The following PRAG1 variants were observed in gnomAD, a reference collection of about 807,000 sequenced individuals.
PRAG1 encodes the protein PEAK1 related, kinase-activating pseudokinase 1.
A neutral mutation model predicts 95.6 loss-of-function variants in PRAG1; 110 were observed. The observed-to-expected ratio is 1.15, with a 90% CI of 0.99 to 1.35. The LOEUF is 1.35. PRAG1 is among the 40% of genes most tolerant of loss of function. The pLI is 0.00. For missense variants in PRAG1, 2,554 were observed against 1,864.7 expected, an observed-to-expected ratio of 1.37 and a Z score of -6.81; for synonymous variants, 1,052 against 819.4, an observed-to-expected ratio of 1.28 and a Z score of -4.85.
At position 8,326,169 on chromosome 8, in the gene PRAG1, A is replaced by G. The variant is rs1193611247; in HGVS notation, c.3072+1541T>C. Among the ~76,000 whole-genome samples the G allele has an allele frequency of 2.7e-5, 4 of 147,382 alleles. No homozygotes were observed. In the East Asian group the frequency reaches 7.8e-4, roughly 29 times the overall value. ...CAGTATATATAAATAATAAATAATT[A>G]TAAATAATATATATTGAATATTAGT... On this transcript the variant is annotated intron_variant, in intron 5 of 5. Coordinates refer to ENST00000615670, the MANE Select transcript of PRAG1 (RefSeq NM_001080826.3).
At position 8,377,572 on chromosome 8, in the gene PRAG1, A is replaced by G. The variant is rs376956220; in HGVS notation, c.837T>C (p.His279=). 2.5e-6 allele frequency: 4 copies of G among 1,610,658 alleles called. No individual in the cohort carries two copies. Among genetic ancestry groups the G allele is most frequent in the Non-Finnish European group, 3.4e-6 (4 of 1,178,714 alleles). Residue 279 remains histidine, a synonymous_variant, in exon 3 of 6, where the codon CAT becomes CAC. Coordinates refer to ENST00000615670, the MANE Select transcript of PRAG1 (RefSeq NM_001080826.3). ...ASQTAGSRGR[H]GGRDCSPTCW... is the part of the protein sequence containing the mutation. The stretch of plus-strand genomic sequence containing the variant: ...ACGTGGGTGAGCAGTCCCTGCCACC[A>G]TGCCTGCCCCGGGAACCTGCAGTCT...
intron 3 of PRAG1, among the ~76,000 whole-genome samples, chr8:8,373,823 T>C (rs1456444946): frequency 6.6e-6 from 1 of 152,226 alleles, no homozygotes; most frequent in African/African-American, 2.4e-5. Flanking sequence ...ACCTCCAAGA[T>C]TCCCATCAAG....
intron 3 of PRAG1, among the ~76,000 whole-genome samples, chr8:8,358,738 C>T (rs1410552455): frequency 6.6e-6 from 1 of 152,246 alleles, no homozygotes; most frequent in African/African-American, 2.4e-5. Context: ...CAAAGAGACA[C>T]AGGAATATTT....
chr8:8,378,097 C>G lies in PRAG1; in HGVS notation c.331-19G>C, dbSNP rs1379437641. On this transcript the variant is annotated intron_variant, in intron 2 of 5. Transcript: ENST00000615670. ...AGATGACCTACACACAAGCCCAACG[C>G]AAAAAGACTTATATTAGAACTTGTC... 2 of 1,511,826 alleles carry G rather than the reference C, an allele frequency of 1.3e-6. No individual in the cohort carries two copies. Among genetic ancestry groups the G allele is most frequent in the Non-Finnish European group, 1.8e-6 (2 of 1,134,472 alleles). 93.7% of individuals were successfully genotyped at this position (1,511,826 alleles called of 1,614,324 possible).
intron 5 of PRAG1, among the ~76,000 whole-genome samples, chr8:8,319,853 C>T (rs995160131): frequency 6.6e-6 from 1 of 152,200 alleles, no homozygotes; most frequent in African/African-American, 2.4e-5. Context: ...TGCTGGACAT[C>T]ATTATTCATC....
rs1295606944 is a variant in PRAG1, at chr8:8,344,635, C to G, written c.2163-5000G>C. ...AAAATCTTAGGGAACACCTGCAGGT[C>G]AGTTAAATTATTATCTGAACTTCAC... On this transcript the variant is annotated intron_variant, in intron 3 of 5. Transcript: ENST00000615670. Among the ~76,000 whole-genome samples, 3 of 152,142 alleles carry G rather than the reference C, an allele frequency of 2.0e-5. No homozygotes were observed. The East Asian group carries it at 5.8e-4, about 29-fold the overall frequency.
chr8:8,331,820 A>C (rs994540529), intron 4 of PRAG1, among the ~76,000 whole-genome samples: 4 of 101,914 alleles, frequency 3.9e-5, no homozygotes, highest in African/African-American at 1.5e-4. Context: ...AGGAGCTGTT[A>C]GTCAGTGACT....
In PRAG1 at chr8:8,318,720, T is replaced by G; in HGVS notation, c.3655A>C (p.Lys1219Gln). 1.2e-6 allele frequency: 2 copies of G among 1,609,034 alleles called. No homozygotes were observed. The highest frequency in any genetic ancestry group is 1.7e-6 in the Non-Finnish European group (2 of 1,178,300). Residue 1219 changes from lysine to glutamine, a missense_variant, in exon 6 of 6, where the codon AAG (lysine) becomes CAG (glutamine). Transcript: ENST00000615670. This position sits in a 1 kb window ranked among gnomAD's most constrained non-coding sequence, Gnocchi z 4.2. ...LPRLIISNFL[K>Q]AKQKPGGTPN... ...GTGCCGCCCGGCTTCTGCTTGGCCT[T>G]CAAAAAGTTGCTGATGATGAGCCGG... is the stretch of plus-strand genomic sequence containing the variant.
At position 8,318,569 on chromosome 8, in the gene PRAG1, T is replaced by A. The variant is rs1798357488; in HGVS notation, c.3806A>T (p.Asn1269Ile). ...ILIYELLHQP[N>I]PFEVRAQLRE... ...CAGCTGGGCGCGCACCTCGAACGGG[T>A]TGGGTTGGTGCAGCAGCTCGTAGAT... is the stretch of plus-strand genomic sequence containing the variant. Residue 1269 changes from asparagine (N) to isoleucine (I), a missense_variant, in exon 6 of 6, where the codon AAC (asparagine) becomes ATC (isoleucine). Coordinates refer to ENST00000615670, the MANE Select transcript of PRAG1 (RefSeq NM_001080826.3). This position sits in a 1 kb window ranked among gnomAD's most constrained non-coding sequence, Gnocchi z 4.2. The A allele has an allele frequency of 1.9e-6, 3 of 1,612,724 alleles. No homozygotes were observed. Among genetic ancestry groups the A allele is most frequent in the Non-Finnish European group, 2.5e-6 (3 of 1,179,734 alleles).
At chr8:8,325,810 G>T (rs1374718918) in intron 5 of PRAG1, among the ~76,000 whole-genome samples, 2 of 151,970 alleles carry the variant, frequency 1.3e-5, no homozygotes, top group Non-Finnish European at 2.9e-5. Flanking sequence ...TTACTCAGGA[G>T]ACTGAGGCAG....
At chr8:8,325,329 C>G (rs1194141952) in intron 5 of PRAG1, among the ~76,000 whole-genome samples, 1 of 152,162 alleles carries the variant, frequency 6.6e-6, no homozygotes, top group African/African-American at 2.4e-5. Flanking sequence ...GGATGCTAGT[C>G]TCCAACTTTC....
rs184640392 is a variant in PRAG1 at position 8,361,933 on chromosome 8, C to T, written c.2162+14314G>A. On this transcript the variant is annotated intron_variant, in intron 3 of 5. Coordinates refer to ENST00000615670, the MANE Select transcript of PRAG1 (RefSeq NM_001080826.3). ...CTGATCACTTGCATCTTTCTTCGCT[C>T]CCAATTTACTAGAAACATTTCCCAT... Among the ~76,000 whole-genome samples, 8 of 152,312 alleles carry T rather than the reference C, an allele frequency of 5.3e-5. No homozygotes were observed. In the East Asian group the frequency reaches 1.5e-3, roughly 29 times the overall value.
chr8:8,331,623 G>T (rs115510303), intron 4 of PRAG1, among the ~76,000 whole-genome samples: 2 of 152,234 alleles, frequency 1.3e-5, no homozygotes, highest in Non-Finnish European at 2.9e-5. Flanking sequence ...TTTCCAATCT[G>T]TGAGGAGACC....
At chr8:8,354,823 A>C (rs1799635048) in intron 3 of PRAG1, among the ~76,000 whole-genome samples, 1 of 152,158 alleles carries the variant, frequency 6.6e-6, no homozygotes, top group Non-Finnish European at 1.5e-5. Flanking sequence ...TATCATAATC[A>C]ATGGGGAACA....
At chr8:8,384,608 C>CAAA (rs11400182) in intron 1 of PRAG1, among the ~76,000 whole-genome samples, 94 of 92,440 alleles carry the variant, frequency 1.0e-3, no homozygotes, top group African/African-American at 3.8e-3. Context: ...CGCATGCAGC[C>CAAA]AAAAAAAAAA....
chr8:8,340,553 G>T (rs947118330), intron 3 of PRAG1, among the ~76,000 whole-genome samples: 3 of 152,356 alleles, frequency 2.0e-5, no homozygotes, highest in South Asian at 4.1e-4. Context: ...TTCTACGGCA[G>T]ATCCATATCT....
intron 3 of PRAG1, among the ~76,000 whole-genome samples, chr8:8,370,897 C>T (rs1448840422): frequency 6.6e-6 from 1 of 152,008 alleles, no homozygotes; most frequent in Non-Finnish European, 1.5e-5. Flanking sequence ...ACCTGTAATC[C>T]CAACACTTTG....
intron 3 of PRAG1, among the ~76,000 whole-genome samples, chr8:8,372,976 G>A (rs1436436783): frequency 3.9e-5 from 6 of 152,344 alleles, no homozygotes; most frequent in South Asian, 2.1e-4. Flanking sequence ...AGGTGTGAGC[G>A]TAGGTAACGC....
intron 3 of PRAG1, among the ~76,000 whole-genome samples, chr8:8,352,086 C>T (rs1334330789): frequency 6.6e-6 from 1 of 152,170 alleles, no homozygotes; most frequent in Non-Finnish European, 1.5e-5. Flanking sequence ...ATTTCAAATT[C>T]ACTTTGTTGA....
Sources: gnomAD v4.1 joint callset for allele counts (sites outside exome capture counted in the v4.1 genomes callset) on GRCh38, gnomAD v4.1.1 for gene constraint, Gnocchi (gnomAD v3.1) non-coding constraint, MANE v1.5 for transcripts, NCBI Gene and HGNC (gene_info 2026-07-23, HGNC 2026-07-21) for gene names.